The following ELAVL2 variants were observed in gnomAD, a reference collection of about 807,000 sequenced individuals.
The protein encoded by ELAVL2 is ELAV like RNA binding protein 2.
In ELAVL2, 4 loss-of-function variants were observed where a neutral mutation model predicts 34.6. The ratio of observed to expected loss-of-function variants is 0.12; its 90% CI spans 0.06 to 0.26. ELAVL2 has a LOEUF of 0.26. ELAVL2 is among the 10% of genes least tolerant of loss of function. The probability of loss-of-function intolerance (pLI) is 1.00; values close to 1 mark genes in which losing one functional copy is unlikely to be tolerated. For missense variants in ELAVL2, 432 were observed against 442.8 expected, an observed-to-expected ratio of 0.98 and a Z score of 0.22; for synonymous variants, 193 against 154.8, an observed-to-expected ratio of 1.25 and a Z score of -1.83.
At chr9:23,702,981 A>AAAAAAAC (rs2037974733) in intron 4 of ELAVL2, among the ~76,000 whole-genome samples, 6 of 129,624 alleles carry the variant, frequency 4.6e-5, no homozygotes, top group Non-Finnish European at 7.9e-5. Context: ...AAAAAAAAAA[A>AAAAAAAC]CAGCCTCTAC....
intron 1 of ELAVL2, among the ~76,000 whole-genome samples, chr9:23,762,593 C>A (rs943774681): frequency 6.6e-5 from 10 of 151,936 alleles, no homozygotes; most frequent in African/African-American, 2.4e-4. Context: ...CAGAATTGAA[C>A]CCTAACTAAA....
At chr9:23,821,019 TA>T (rs1276607542) in intron 1 of ELAVL2, among the ~76,000 whole-genome samples, 1 of 152,118 alleles carries the variant, frequency 6.6e-6, no homozygotes, top group African/African-American at 2.4e-5. Flanking sequence ...CGGCCGGTGT[TA>T]AGTCTCCAAA....
intron 6 of ELAVL2, 54 bp downstream of exon 6, chr9:23,693,394 G>C: frequency 1.2e-6 from 2 of 1,607,990 alleles, no homozygotes; most frequent in South Asian, 1.1e-5. Context: ...CAAAATCAAA[G>C]AAACCAATCA....
intron 2 of ELAVL2, among the ~76,000 whole-genome samples, chr9:23,755,222 G>GTTGT (rs2053255265): frequency 6.6e-6 from 1 of 152,126 alleles, no homozygotes; most frequent in Non-Finnish European, 1.5e-5. Context: ...GAGGACAGAA[G>GTTGT]TTGTTTTTCC....
intron 1 of ELAVL2, among the ~76,000 whole-genome samples, chr9:23,805,819 AAC>A (rs1320718901): frequency 2.0e-5 from 3 of 152,214 alleles, no homozygotes; most frequent in African/African-American, 7.2e-5. Context: ...ATTCCTGGCA[AAC>A]ACAGTCATTT....
the ELAVL2 span, among the ~76,000 whole-genome samples, chr9:23,836,402 T>A: frequency 6.6e-6 from 1 of 152,156 alleles, no homozygotes; most frequent in Non-Finnish European, 1.5e-5. Flanking sequence ...GTGCAAACAA[T>A]AAAAAACTTT....
intron 2 of ELAVL2, among the ~76,000 whole-genome samples, chr9:23,744,422 C>G (rs551136524): frequency 1.3e-5 from 2 of 152,266 alleles, no homozygotes; most frequent in South Asian, 4.1e-4. Flanking sequence ...TTGCTGAAAA[C>G]TTCTTCCTTG....
chr9:23,731,563 T>A (rs2046558870), intron 2 of ELAVL2, among the ~76,000 whole-genome samples: 1 of 152,180 alleles, frequency 6.6e-6, no homozygotes, highest in African/African-American at 2.4e-5. Flanking sequence ...CAGTAAATTG[T>A]ACCCTGACAT....
chr9:23,830,624 A>ACACACACACACACAC (rs34847005), upstream of ELAVL2, among the ~76,000 whole-genome samples: 1 of 124,074 alleles, frequency 8.1e-6, no homozygotes, highest in Non-Finnish European at 1.8e-5. Context: ...ACACACACAC[A>ACACACACACACACAC]CCTTTTTTTT....
the ELAVL2 span, among the ~76,000 whole-genome samples, chr9:23,835,346 A>G: frequency 6.6e-6 from 1 of 152,070 alleles, no homozygotes; most frequent in Non-Finnish European, 1.5e-5. Context: ...AAGATTTTAA[A>G]GGTTATTACT....
chr9:23,740,451 G>C (rs2048898138), intron 2 of ELAVL2, among the ~76,000 whole-genome samples: 1 of 152,184 alleles, frequency 6.6e-6, no homozygotes, highest in African/African-American at 2.4e-5. Context: ...TCTTTCAAAA[G>C]TGTACACTTT....
intron 1 of ELAVL2, 57 bp from the exon 2 acceptor site, chr9:23,762,306 CTCCA>C: frequency 6.4e-7 from 1 of 1,569,934 alleles, no homozygotes; most frequent in East Asian, 2.3e-5. Flanking sequence ...CTATTAGAGA[CTCCA>C]TCCAAGAATT....
intron 2 of ELAVL2, among the ~76,000 whole-genome samples, chr9:23,739,415 C>T (rs1423172417): frequency 6.6e-5 from 10 of 151,996 alleles, no homozygotes; most frequent in Non-Finnish European, 1.3e-4. Flanking sequence ...CCTGACAGTT[C>T]AAAAAAGGTT....
chr9:23,725,214 C>A (rs1348199348), intron 3 of ELAVL2, among the ~76,000 whole-genome samples: 1 of 152,182 alleles, frequency 6.6e-6, no homozygotes, highest in Non-Finnish European at 1.5e-5. Flanking sequence ...GGTGCCCCTT[C>A]CTCACCTAGA....
Position 23,793,319 on chromosome 9 carries a change from C to T in ELAVL2, c.-15-31070G>A, listed in dbSNP as rs187252494. ...TTACACAATATCTGAAAGATGGTAC[C>T]AATTTCAGCTCCACATAAATAGAAA... is the stretch of plus-strand genomic sequence containing the variant. On this transcript the variant is annotated intron_variant, in intron 1 of 6. Transcript: ENST00000397312. Among the ~76,000 whole-genome samples, 4 of 152,238 alleles carry T rather than the reference C, an allele frequency of 2.6e-5. No homozygotes were observed. In the East Asian group the frequency reaches 7.7e-4, roughly 29 times the overall value.
At chr9:23,848,179 T>G in the ELAVL2 span, among the ~76,000 whole-genome samples, 1 of 152,146 alleles carries the variant, frequency 6.6e-6, no homozygotes, top group Admixed American at 6.5e-5. Flanking sequence ...CAGGATTAAT[T>G]ATAAATTTAA....
chr9:23,714,055 G>A (rs1488770800), intron 3 of ELAVL2, among the ~76,000 whole-genome samples: 2 of 152,146 alleles, frequency 1.3e-5, no homozygotes, highest in African/African-American at 4.8e-5. Flanking sequence ...AACCATAAAT[G>A]TTTTAATCAT....
At chr9:23,802,541 A>G (rs1157050150) in intron 1 of ELAVL2, among the ~76,000 whole-genome samples, 1 of 152,146 alleles carries the variant, frequency 6.6e-6, no homozygotes, top group African/African-American at 2.4e-5. Flanking sequence ...TCCCTACAAT[A>G]CAGATTCCAA....
intron 2 of ELAVL2, among the ~76,000 whole-genome samples, chr9:23,748,732 G>C (rs1564253316): frequency 6.6e-6 from 1 of 152,080 alleles, no homozygotes; most frequent in Non-Finnish European, 1.5e-5. Flanking sequence ...TTTGAAGCCA[G>C]GCTACTTATT....
Sources: allele counts gnomAD v4.1 joint callset (sites outside exome capture counted in the v4.1 genomes callset), GRCh38; gene constraint gnomAD v4.1.1; transcripts MANE v1.5; gene names NCBI Gene and HGNC (gene_info 2026-07-23, HGNC 2026-07-21).